AK5: variants seen among roughly 807,000 people sequenced by gnomAD.
AK5 encodes adenylate kinase 5, also known as adenylate kinase isoenzyme 5.
Under a neutral mutation model 69.5 loss-of-function variants are expected in AK5, and 27 were observed. That is an observed-to-expected ratio of 0.39 (90% CI 0.29 to 0.54). AK5 has a LOEUF of 0.54. Among genes scored for constraint, AK5 ranks in the 20% least tolerant of loss-of-function variants. The pLI, the probability that AK5 is intolerant of heterozygous loss-of-function variation, is 0.71. For synonymous variants in AK5, 260 were observed against 244.4 expected, an observed-to-expected ratio of 1.06 and a Z score of -0.60; for missense variants, 531 against 700.4, an observed-to-expected ratio of 0.76 and a Z score of 2.73.
At chr1:77,319,608 A>G (rs551726168) in intron 5 of AK5, among the ~76,000 whole-genome samples, 32 of 152,342 alleles carry the variant, frequency 2.1e-4, no homozygotes, top group African/African-American at 7.7e-4. Flanking sequence ...TTCTGCACCA[A>G]GATTCACTCA....
intron 6 of AK5, among the ~76,000 whole-genome samples, chr1:77,402,227 A>G (rs1649263040): frequency 6.6e-6 from 1 of 151,398 alleles, no homozygotes; most frequent in Non-Finnish European, 1.5e-5. Flanking sequence ...CAGCACTATC[A>G]CTCCTGCTAC....
chr1:77,479,795 G>A (rs980835185), intron 8 of AK5, among the ~76,000 whole-genome samples: 2 of 152,138 alleles, frequency 1.3e-5, no homozygotes, highest in Admixed American at 6.5e-5. Context: ...GGTGACAAAG[G>A]GTGGACTAGA....
chr1:77,410,556 A>G (rs1173431370), intron 6 of AK5, among the ~76,000 whole-genome samples: 1 of 151,248 alleles, frequency 6.6e-6, no homozygotes, highest in Non-Finnish European at 1.5e-5. Context: ...CTAGGATTAC[A>G]GGAGTGAGCC....
chr1:77,362,480 A>G (rs985118305), intron 6 of AK5, among the ~76,000 whole-genome samples: 1 of 152,126 alleles, frequency 6.6e-6, no homozygotes, highest in African/African-American at 2.4e-5. Flanking sequence ...AAGGATCACT[A>G]TGGTATCAAC....
intron 5 of AK5, among the ~76,000 whole-genome samples, chr1:77,327,831 T>C (rs1660884320): frequency 6.6e-6 from 1 of 152,236 alleles, no homozygotes; most frequent in Non-Finnish European, 1.5e-5. Context: ...CACATAATTA[T>C]AGACAGTTCA....
At chr1:77,399,793 T>TAA (rs1390853031) in intron 6 of AK5, among the ~76,000 whole-genome samples, 1 of 152,178 alleles carries the variant, frequency 6.6e-6, no homozygotes. Context: ...CTCAGCAAAC[T>TAA]AAAAGGCAGG....
intron 5 of AK5, among the ~76,000 whole-genome samples, chr1:77,326,871 T>G (rs538857654): frequency 6.6e-6 from 1 of 152,328 alleles, no homozygotes; most frequent in Admixed American, 6.5e-5. Flanking sequence ...TTTTGAAGAT[T>G]AATTGCTATG....
chr1:77,403,883 T>C (rs2100554077), intron 6 of AK5, among the ~76,000 whole-genome samples: 1 of 152,356 alleles, frequency 6.6e-6, no homozygotes, highest in Non-Finnish European at 1.5e-5. Flanking sequence ...TAAATTACCT[T>C]AGGCAGTATG....
chr1:77,433,828 G>A (rs897549855), intron 8 of AK5, among the ~76,000 whole-genome samples: 2 of 151,766 alleles, frequency 1.3e-5, no homozygotes, highest in African/African-American at 4.8e-5. Context: ...TTCTTTTCCT[G>A]CTTGAGCTTG....
chr1:77,302,312 A>G (rs1451496717), intron 5 of AK5, among the ~76,000 whole-genome samples: 1 of 152,204 alleles, frequency 6.6e-6, no homozygotes, highest in African/African-American at 2.4e-5. Flanking sequence ...AAGAGGAAAA[A>G]GCAAAAAGCT....
chr1:77,367,569 A>ATATTATATATATGT (rs1553139694), intron 6 of AK5, among the ~76,000 whole-genome samples: 1 of 31,642 alleles, frequency 3.2e-5, no homozygotes, highest in Non-Finnish European at 6.3e-5. Context: ...ATATATATAT[A>ATATTATATATATGT]TATATATATA....
At chr1:77,298,974 G>T (rs1472924472) in intron 5 of AK5, among the ~76,000 whole-genome samples, 3 of 152,118 alleles carry the variant, frequency 2.0e-5, no homozygotes, top group Non-Finnish European at 4.4e-5. Flanking sequence ...TGTTAGGTTT[G>T]TTATATATTC....
chr1:77,318,470 A>T lies in AK5; in HGVS notation c.699+20523A>T, dbSNP rs138987278. 2.0e-5 allele frequency among the ~76,000 whole-genome samples: 3 copies of T among 152,298 alleles called. No homozygotes were observed. In the East Asian group the frequency reaches 5.8e-4, roughly 29 times the overall value. On this transcript the variant is annotated intron_variant, in intron 5 of 13. Coordinates refer to ENST00000354567, the MANE Select transcript of AK5 (RefSeq NM_174858.3). ...GGGACATGATTCAAATCATAACATC[A>T]GTAATGTCACCTTCACTAGTCTTCA...
At chr1:77,437,415 C>G (rs1284907119) in intron 8 of AK5, among the ~76,000 whole-genome samples, 1 of 152,028 alleles carries the variant, frequency 6.6e-6, no homozygotes, top group Non-Finnish European at 1.5e-5. Flanking sequence ...GTAATTTAAA[C>G]TTACCAGTTT....
At chr1:77,457,379 T>C (rs1208305391) in intron 8 of AK5, among the ~76,000 whole-genome samples, 2 of 152,192 alleles carry the variant, frequency 1.3e-5, no homozygotes, top group Non-Finnish European at 2.9e-5. Context: ...TTTTTAGAAT[T>C]GGATATAAGG....
chr1:77,306,453 T>C (rs1263484996), intron 5 of AK5, among the ~76,000 whole-genome samples: 1 of 151,902 alleles, frequency 6.6e-6, no homozygotes, highest in Non-Finnish European at 1.5e-5. Context: ...TGAATGATCT[T>C]TCTAATGCAT....
chr1:77,359,209 T>A (rs941252550), intron 6 of AK5, among the ~76,000 whole-genome samples: 6 of 150,720 alleles, frequency 4.0e-5, no homozygotes, highest in African/African-American at 1.5e-4. Context: ...GAGCCGAGAT[T>A]ACGCCACTGC....
At chr1:77,475,381 TATATATGTATATATATA>T (rs1654815351) in intron 8 of AK5, among the ~76,000 whole-genome samples, 1 of 41,144 alleles carries the variant, frequency 2.4e-5, no homozygotes, top group Non-Finnish European at 4.3e-5. Flanking sequence ...ATATATATTA[TATATATGTATATATATA>T]ATATATATGT....
At chr1:77,346,713 G>C (rs1180089871) in intron 6 of AK5, among the ~76,000 whole-genome samples, 2 of 151,986 alleles carry the variant, frequency 1.3e-5, no homozygotes, top group Admixed American at 6.6e-5. Context: ...CCTCAGGCTG[G>C]TCTCGGACTC....
Sources: gnomAD v4.1 joint callset for allele counts (sites outside exome capture counted in the v4.1 genomes callset) on GRCh38, gnomAD v4.1.1 for gene constraint, MANE v1.5 for transcripts, NCBI Gene and HGNC (gene_info 2026-07-23, HGNC 2026-07-21) for gene names.